The following CLSTN2 variants were observed in gnomAD, a reference collection of about 807,000 sequenced individuals.
CLSTN2 encodes calsyntenin-2.
CLSTN2 carries 48 observed loss-of-function variants against 101.2 expected under a neutral mutation model. The ratio of observed to expected loss-of-function variants is 0.47; its 90% confidence interval spans 0.38 to 0.60. The LOEUF (loss-of-function observed/expected upper bound fraction) is 0.60. Among genes scored for constraint, CLSTN2 ranks in the 20% least tolerant of loss-of-function variants. The pLI is 0.00. For missense variants in CLSTN2, 1,160 were observed against 1,238.2 expected (o/e 0.94, Z 0.95); for synonymous variants, 481 against 463.6 (o/e 1.04, Z -0.48).
At chr3:139,987,153 A>C (rs1379886058) in intron 1 of CLSTN2, among the ~76,000 whole-genome samples, 1 of 152,216 alleles carries the variant, frequency 6.6e-6, no homozygotes, top group Admixed American at 6.5e-5. Context: ...AACTGAAAGT[A>C]TAGCTGCTTT....
At chr3:140,006,048 A>G (rs2006946562) in intron 1 of CLSTN2, among the ~76,000 whole-genome samples, 1 of 152,206 alleles carries the variant, frequency 6.6e-6, no homozygotes, top group African/African-American at 2.4e-5. Flanking sequence ...TGATTCAGAA[A>G]CCAGAGTTGA....
rs2010494031 is a variant in CLSTN2, at chr3:140,186,993, A to G, written c.232+10920A>G. Among the ~76,000 whole-genome samples, 3 of 152,214 alleles carry G rather than the reference A, an allele frequency of 2.0e-5. No homozygotes were observed. The South Asian group carries it at 6.2e-4, about 32-fold the overall frequency. On this transcript the variant is annotated intron_variant, in intron 2 of 16. Transcript: ENST00000458420. ...AGCAAATGGCTTTTTTTCTAACTCT[A>G]CCAGGCTGTGGGTTGCAAGGGGAAA...
chr3:140,281,860 G>A (rs1036438585), intron 2 of CLSTN2, among the ~76,000 whole-genome samples: 7 of 152,136 alleles, frequency 4.6e-5, no homozygotes, highest in Non-Finnish European at 8.8e-5. Flanking sequence ...TGCCCTCCAG[G>A]CACAAGCTGC....
intron 2 of CLSTN2, among the ~76,000 whole-genome samples, chr3:140,304,732 A>G (rs545212818): frequency 3.3e-5 from 5 of 152,148 alleles, no homozygotes; most frequent in Non-Finnish European, 7.3e-5. Context: ...GTCTTTTCTC[A>G]TTGAATCAGC....
chr3:140,339,578 G>T (rs1236506407), intron 2 of CLSTN2, among the ~76,000 whole-genome samples: 1 of 152,144 alleles, frequency 6.6e-6, no homozygotes, highest in Non-Finnish European at 1.5e-5. Context: ...GATCCCTGGG[G>T]CTGAGAACCA....
At chr3:140,521,857 T>C (rs1405842069) in intron 8 of CLSTN2, among the ~76,000 whole-genome samples, 3 of 152,146 alleles carry the variant, frequency 2.0e-5, no homozygotes, top group Non-Finnish European at 4.4e-5. Flanking sequence ...TAAGGTGCCG[T>C]TGAAGTGGGG....
intron 8 of CLSTN2, among the ~76,000 whole-genome samples, chr3:140,513,579 C>CTTTTTTTTTTTT (rs1393793646): frequency 1.7e-5 from 1 of 59,516 alleles, no homozygotes; most frequent in African/African-American, 5.4e-5. Flanking sequence ...CTTTTTTTTT[C>CTTTTTTTTTTTT]TTTCTTTTTT....
At chr3:140,109,557 A>T (rs554270905) in intron 1 of CLSTN2, among the ~76,000 whole-genome samples, 27 of 152,302 alleles carry the variant, frequency 1.8e-4, no homozygotes, top group African/African-American at 6.3e-4. Flanking sequence ...TTATGAAAAG[A>T]CTGCTCCTTG....
intron 1 of CLSTN2, among the ~76,000 whole-genome samples, chr3:139,940,509 G>A (rs560927259): frequency 6.8e-6 from 1 of 147,168 alleles, no homozygotes; most frequent in Admixed American, 7.1e-5. Flanking sequence ...CACTTGAACA[G>A]TTAGTTTAGT....
At chr3:140,249,658 C>A (rs1288725564) in intron 2 of CLSTN2, among the ~76,000 whole-genome samples, 1 of 152,120 alleles carries the variant, frequency 6.6e-6, no homozygotes, top group Non-Finnish European at 1.5e-5. Context: ...GATTGGGGGA[C>A]TGATAGGGAA....
chr3:139,955,226 A>G (rs574911127), intron 1 of CLSTN2, among the ~76,000 whole-genome samples: 1 of 149,416 alleles, frequency 6.7e-6, no homozygotes, highest in Non-Finnish European at 1.5e-5. Context: ...TTGTGTGTGA[A>G]TAGTGTATGA....
chr3:140,021,500 T>G (rs974883837), intron 1 of CLSTN2, among the ~76,000 whole-genome samples: 1 of 152,160 alleles, frequency 6.6e-6, no homozygotes, highest in Non-Finnish European at 1.5e-5. Context: ...TGTTAGAAAC[T>G]TCCCCTGTCA....
chr3:140,258,667 C>T (rs1038053524), intron 2 of CLSTN2, among the ~76,000 whole-genome samples: 1 of 152,200 alleles, frequency 6.6e-6, no homozygotes, highest in Non-Finnish European at 1.5e-5. Flanking sequence ...CTTTTCCCCC[C>T]TCTTTTAATG....
chr3:140,026,351 T>C (rs2007419671), intron 1 of CLSTN2, among the ~76,000 whole-genome samples: 1 of 152,208 alleles, frequency 6.6e-6, no homozygotes, highest in Non-Finnish European at 1.5e-5. Context: ...ATAAATAGTA[T>C]ATGGAAGTGC....
chr3:140,091,376 T>C (rs1485616132), intron 1 of CLSTN2, among the ~76,000 whole-genome samples: 2 of 152,086 alleles, frequency 1.3e-5, no homozygotes, highest in African/African-American at 4.8e-5. Flanking sequence ...TGGACACCCA[T>C]TCCTTGGCTG....
intron 2 of CLSTN2, among the ~76,000 whole-genome samples, chr3:140,284,509 G>A (rs1316870627): frequency 1.3e-5 from 2 of 152,008 alleles, no homozygotes; most frequent in African/African-American, 4.8e-5. Flanking sequence ...AGGGGGTTGC[G>A]GAGATCAAGT....
intron 1 of CLSTN2, among the ~76,000 whole-genome samples, chr3:140,171,673 T>C (rs201586552): frequency 0.52 from 33,600 of 64,456 alleles, 6,295 homozygotes; most frequent in East Asian, 0.8. Context: ...ATATATAATA[T>C]GTATTATATA....
intron 1 of CLSTN2, among the ~76,000 whole-genome samples, chr3:139,975,841 G>T (rs900655301): frequency 6.6e-6 from 1 of 152,124 alleles, no homozygotes; most frequent in Non-Finnish European, 1.5e-5. Context: ...CACAACACAG[G>T]AGCTGCCACA....
chr3:140,352,709 G>A (rs2087622514), intron 2 of CLSTN2, among the ~76,000 whole-genome samples: 1 of 152,140 alleles, frequency 6.6e-6, no homozygotes, highest in Non-Finnish European at 1.5e-5. Context: ...CTTCCTCAGA[G>A]CTGCTCTCTA....
Sources: gnomAD v4.1 joint callset for allele counts (sites outside exome capture counted in the v4.1 genomes callset) on GRCh38, gnomAD v4.1.1 for gene constraint, MANE v1.5 for transcripts, NCBI Gene and HGNC (gene_info 2026-07-23, HGNC 2026-07-21) for gene names.